Variants in TECTA observed in about 807,000 individuals in gnomAD.
The protein encoded by TECTA is tectorin alpha.
Under a neutral mutation model 216.8 loss-of-function variants are expected in TECTA, and 128 were observed. That is an observed-to-expected ratio of 0.59 (90% confidence interval 0.51 to 0.68). The LOEUF is 0.68. Among genes scored for constraint, TECTA ranks in the 30% least tolerant of loss-of-function variants. The pLI is 0.00. For synonymous variants in TECTA, 1,089 were observed against 1,117.1 expected, an observed-to-expected ratio of 0.97 and a Z score of 0.50; for missense variants, 2,551 against 2,786.2, an observed-to-expected ratio of 0.92 and a Z score of 1.90.
chr11:121,173,112 C>G (rs1171416710), intron 20 of TECTA, among the ~76,000 whole-genome samples: 1 of 152,024 alleles, frequency 6.6e-6, no homozygotes, highest in Non-Finnish European at 1.5e-5. Flanking sequence ...TGAGTAGGTT[C>G]CAAAAATTTT....
chr11:121,167,883 CT>C (rs148892093), intron 18 of TECTA, among the ~76,000 whole-genome samples, 170 bp from the exon 19 acceptor site: 23 of 152,072 alleles, frequency 1.5e-4, no homozygotes, highest in African/African-American at 4.6e-4. Context: ...TATTGTAATA[CT>C]TTTTTTTCCC....
chr11:121,151,762 C>T (rs1164385035), intron 12 of TECTA, among the ~76,000 whole-genome samples: 4 of 152,096 alleles, frequency 2.6e-5, no homozygotes, highest in Admixed American at 2.0e-4. Context: ...ATTCATAGAA[C>T]TGTGTACTCT....
At chr11:121,140,100 G>A (rs1189220614) in intron 11 of TECTA, among the ~76,000 whole-genome samples, 2 of 152,088 alleles carry the variant, frequency 1.3e-5, no homozygotes, top group African/African-American at 4.8e-5. Context: ...CTTTTAAAAT[G>A]TAATCTCTTC....
chr11:121,114,020 G>A (rs934356122), intron 6 of TECTA, among the ~76,000 whole-genome samples: 4 of 152,266 alleles, frequency 2.6e-5, no homozygotes, highest in African/African-American at 9.6e-5. Flanking sequence ...GGGACAGAAG[G>A]CAGCCCTCCT....
intron 18 of TECTA, among the ~76,000 whole-genome samples, chr11:121,167,705 C>T (rs1947067953): frequency 6.6e-6 from 1 of 152,134 alleles, no homozygotes; most frequent in Admixed American, 6.6e-5. Flanking sequence ...TTGAATTAAG[C>T]ATTGAAAAAG....
Position 121,127,788 on chromosome 11 carries a change from C to T in TECTA, c.1811C>T (p.Ser604Phe). The T allele has an allele frequency of 1.2e-6, 2 of 1,614,212 alleles. No individual in the cohort carries two copies. The highest frequency in any genetic ancestry group is 1.7e-6 in the Non-Finnish European group (2 of 1,180,038). Residue 604 changes from serine (S) to phenylalanine (F), a missense_variant, in exon 9 of 24, where the codon TCC (serine) becomes TTC (phenylalanine). Around this residue, in one of 3 missense-constraint regions of TECTA, gnomAD observed 2,375 missense variants for 2,563.9 expected, o/e 0.93. Coordinates refer to ENST00000392793, the MANE Select transcript of TECTA (RefSeq NM_005422.4). This position sits in a 1 kb window ranked among gnomAD's most constrained non-coding sequence, Gnocchi z 5.0. ...TVQCPSFSHY[S>F]VCTSSCPDTC... ...CAGTGCCCGAGCTTCAGCCACTACTCCGTGTGCACAAGCAGCTGCCCCGAC... is the reference window on the plus strand; with the variant it reads ...CAGTGCCCGAGCTTCAGCCACTACTTCGTGTGCACAAGCAGCTGCCCCGAC...
chr11:121,140,094 T>A (rs1946769601), intron 11 of TECTA, among the ~76,000 whole-genome samples: 1 of 152,218 alleles, frequency 6.6e-6, no homozygotes, highest in Non-Finnish European at 1.5e-5. Flanking sequence ...TCTTTTCTTT[T>A]AAAATGTAAT....
chr11:121,183,257 G>T lies in TECTA; in HGVS notation c.6000-4575G>T, dbSNP rs539017960. Among the ~76,000 whole-genome samples, 5 of 152,156 alleles carry T rather than the reference G, an allele frequency of 3.3e-5. No individual in the cohort carries two copies. In the East Asian group the frequency reaches 9.6e-4, roughly 29 times the overall value. ...ATGTTGGGCCCCAGGGCAAGATATA[G>T]TCTGACGGGGGCTGGGCTCGCAACA... On this transcript the variant is annotated intron_variant, in intron 20 of 23. Coordinates refer to ENST00000392793, the MANE Select transcript of TECTA (RefSeq NM_005422.4).
rs192650198 is a variant in TECTA, at chr11:121,189,243, G to C, written c.6250+76G>C. On this transcript the variant is annotated intron_variant, in intron 22 of 23. Coordinates refer to ENST00000392793, the MANE Select transcript of TECTA (RefSeq NM_005422.4). ...CAAGGCTCAGATGTGTTTCACCTCT[G>C]ATGTGGGTCCAGTGGACAAGGAGGC... is the stretch of plus-strand genomic sequence containing the variant. 4.3e-5 allele frequency: 64 copies of C among 1,475,108 alleles called. No individual in the cohort carries two copies. In the African/African-American group the frequency reaches 8.7e-4, roughly 20 times the overall value. 91.4% of individuals were successfully genotyped at this position (1,475,108 alleles called of 1,614,324 possible). A position where few individuals can be genotyped will look rare whatever the true frequency, so the allele number is the denominator to read the frequency against.
chr11:121,106,281 A>C lies in TECTA; in HGVS notation c.198+317A>C, dbSNP rs1356257843. On this transcript the variant is annotated intron_variant, in intron 3 of 23. Coordinates refer to ENST00000392793, the MANE Select transcript of TECTA (RefSeq NM_005422.4). ...GCTACTCAACGAGATAAAAAGATAC[A>C]ATGAACCACAGTAGGAGCAATATCA... Among the ~76,000 whole-genome samples the C allele has an allele frequency of 3.3e-5, 5 of 152,234 alleles. No homozygotes were observed. The East Asian group carries it at 5.8e-4, about 18-fold the overall frequency.
chr11:121,140,768 C>T (rs894767030), intron 11 of TECTA: 2 of 152,510 alleles, frequency 1.3e-5, no homozygotes, highest in East Asian at 3.9e-4. Flanking sequence ...CTCTTTCCCT[C>T]TGTGTCTTCT....
rs146157084 is a variant in TECTA at position 121,101,605 on chromosome 11, C to T, written c.-2+163C>T. Among the ~76,000 whole-genome samples, 1,007 of 152,300 alleles carry T rather than the reference C, an allele frequency of 6.6e-3. 14 individuals carry two copies. Among genetic ancestry groups the T allele is most frequent in the African/African-American group, 0.021 (891 of 41,548 alleles). ...TTTGTACCCTTTCCAGCAAAACTGT[C>T]TAATATTTAATATGTGCTTGAAATT... On this transcript the variant is annotated intron_variant, in intron 1 of 23. Coordinates refer to ENST00000392793, the MANE Select transcript of TECTA (RefSeq NM_005422.4).
intron 16 of TECTA, among the ~76,000 whole-genome samples, chr11:121,165,023 A>G (rs1947037158): frequency 6.6e-6 from 1 of 152,220 alleles, no homozygotes; most frequent in South Asian, 2.1e-4. Context: ...TCAACTGTGA[A>G]ATAGAGCTTA....
chr11:121,109,705 A>G (rs1946425364), intron 4 of TECTA: 1 of 612,502 alleles, frequency 1.6e-6, no homozygotes, highest in African/African-American at 1.9e-5. Flanking sequence ...TTCAGAAGAT[A>G]TGTCACCCCT....
In TECTA at chr11:121,189,176, G is replaced by A. The variant is rs748847978; in HGVS notation, c.6250+9G>A. The A allele has an allele frequency of 1.2e-6, 2 of 1,613,112 alleles. No homozygotes were observed. Among genetic ancestry groups the A allele is most frequent in the Non-Finnish European group, 1.7e-6 (2 of 1,179,110 alleles). On this transcript the variant is annotated intron_variant, in intron 22 of 23. Coordinates refer to ENST00000392793, the MANE Select transcript of TECTA (RefSeq NM_005422.4). ...ACCTATTAGGAGAAAAAGTATGTAT[G>A]TTCCCTAAAACACACCCTAAATTAT...
chr11:121,112,635 A>T (rs1946452197), intron 4 of TECTA, among the ~76,000 whole-genome samples: 1 of 152,210 alleles, frequency 6.6e-6, no homozygotes, highest in Non-Finnish European at 1.5e-5. Flanking sequence ...TGGCCACTTT[A>T]ATCACACGGA....
intron 12 of TECTA, among the ~76,000 whole-genome samples, chr11:121,151,238 C>T (rs1001910122): frequency 5.3e-5 from 8 of 152,198 alleles, no homozygotes; most frequent in African/African-American, 1.7e-4. Context: ...CAAATTGGCA[C>T]AGTCTCTTTA....
chr11:121,165,423 A>G (rs748110950), intron 17 of TECTA, 40 bp downstream of exon 17: 8 of 1,514,348 alleles, frequency 5.3e-6, no homozygotes, highest in Non-Finnish European at 6.3e-6. Flanking sequence ...GAAAGGCCCC[A>G]TGGGAGATGC....
chr11:121,146,527 A>G (rs1173376404), intron 12 of TECTA, among the ~76,000 whole-genome samples: 2 of 152,150 alleles, frequency 1.3e-5, no homozygotes, highest in Non-Finnish European at 2.9e-5. Context: ...ATGTTATTCT[A>G]TTTGATTCAT....
Sources: allele counts gnomAD v4.1 joint callset (sites outside exome capture counted in the v4.1 genomes callset), GRCh38; gene constraint gnomAD v4.1.1; regional missense constraint gnomAD v4.1.1; non-coding constraint Gnocchi (gnomAD v3.1); transcripts MANE v1.5; gene names NCBI Gene and HGNC (gene_info 2026-07-23, HGNC 2026-07-21).